Variants in MYH7 observed in about 807,000 individuals in gnomAD.
MYH7 encodes myosin heavy chain 7.
A neutral mutation model predicts 225.4 loss-of-function variants in MYH7; 129 were observed. That is an observed-to-expected ratio of 0.57 (90% CI 0.50 to 0.66). The LOEUF (loss-of-function observed/expected upper bound fraction) is 0.66, where lower values mean the gene tolerates loss of function less well. Among genes scored for constraint, MYH7 ranks in the 30% least tolerant of loss-of-function variants. The pLI is 0.00. For missense variants in MYH7, 1,649 were observed against 2,517.0 expected, an observed-to-expected ratio of 0.66 and a Z score of 7.38; for synonymous variants, 971 against 1,007.6, an observed-to-expected ratio of 0.96 and a Z score of 0.69.
chr14:23,426,183 T>A, intron 18 of MYH7, 102 bp from the exon 19 acceptor site: 1 of 1,308,288 alleles, frequency 7.6e-7, no homozygotes, highest in Non-Finnish European at 1.1e-6. Context: ...TCTTAGCAAG[T>A]CAGTTAGTAA....
In MYH7 at chr14:23,433,556, G is replaced by T; in HGVS notation, c.177C>A (p.Val59=). 1 of 1,614,152 alleles carries T rather than the reference G, an allele frequency of 6.2e-7. No individual in the cohort carries two copies. Among genetic ancestry groups the T allele is most frequent in the South Asian group, 1.1e-5 (1 of 91,058 alleles). Residue 59 remains valine, a synonymous_variant, in exon 3 of 40, where the codon GTC becomes GTA. Transcript: ENST00000355349. The surrounding 1 kb of genome is among the most constrained non-coding windows in gnomAD (Gnocchi z 4.1). The part of the protein sequence containing the change: ...AKIVSREGGK[V]TAETEYGKTV... ...CCTTGCCATACTCGGTCTCGGCAGT[G>T]ACTTTGCCACCCTCTCGAGACACGA...
chr14:23,415,379 A>G lies in MYH7; in HGVS notation c.5283+2T>C, dbSNP rs2138639201. On this transcript the variant is annotated splice_donor_variant, in intron 36 of 39. Transcript: ENST00000355349. LOFTEE classifies it high-confidence loss of function. The surrounding 1 kb of genome is among the most constrained non-coding windows in gnomAD (Gnocchi z 6.3). ...ATCGGGTCGGTGGAGTGGGGGACTT[A>G]CATCCGTGATGGCCTTCTTGGCCTT... 6.2e-7 allele frequency: 1 copy of G among 1,614,190 alleles called. No homozygotes were observed. The highest frequency in any genetic ancestry group is 8.5e-7 in the Non-Finnish European group (1 of 1,180,042).
intron 11 of MYH7, among the ~76,000 whole-genome samples, chr14:23,430,298 T>C (rs1311478697): frequency 6.6e-6 from 1 of 152,150 alleles, no homozygotes; most frequent in Non-Finnish European, 1.5e-5. Context: ...GCTCCCTCGG[T>C]GATGCTTGTT....
At chr14:23,427,919 C>A (rs773921137) in intron 15 of MYH7, 25 bp from the exon 16 acceptor site, 1 of 1,613,142 alleles carries the variant, frequency 6.2e-7, no homozygotes, top group South Asian at 1.1e-5. Context: ...GAGAGCATCA[C>A]TGAGTGTCCT....
chr14:23,425,036 C>T lies in MYH7; in HGVS notation c.2424-12G>A. 1 of 1,614,156 alleles carries T rather than the reference C, an allele frequency of 6.2e-7. No individual in the cohort carries two copies. Among genetic ancestry groups the T allele is most frequent in the Non-Finnish European group, 8.5e-7 (1 of 1,180,038 alleles). On this transcript the variant is annotated splice_polypyrimidine_tract_variant and intron_variant, in intron 21 of 39. Transcript: ENST00000355349. The surrounding 1 kb of genome is among the most constrained non-coding windows in gnomAD (Gnocchi z 4.6). Reference sequence around the variant, plus strand: ...CCAGCAGGGAGTCTCTGCAGGGGCCCATTGAAAGGAGTGCTGAGCCTCCTG... The same window carrying T: ...CCAGCAGGGAGTCTCTGCAGGGGCCTATTGAAAGGAGTGCTGAGCCTCCTG...
At chr14:23,419,424 TG>T in intron 28 of MYH7, 58 bp downstream of exon 28, 1 of 1,610,650 alleles carries the variant, frequency 6.2e-7, no homozygotes, top group Non-Finnish European at 8.5e-7. Flanking sequence ...GAGGCTGGAG[TG>T]GCTCAGGAGG....
chr14:23,422,389 CA>C, intron 24 of MYH7, 64 bp from the exon 25 acceptor site: 1 of 1,609,754 alleles, frequency 6.2e-7, no homozygotes, highest in Non-Finnish European at 8.5e-7. Flanking sequence ...TTTTGTTGTT[CA>C]GTTACCTCAG....
chr14:23,428,905 G>C, intron 14 of MYH7, 50 bp downstream of exon 14: 1 of 1,613,654 alleles, frequency 6.2e-7, no homozygotes, highest in Non-Finnish European at 8.5e-7. Context: ...GCTGTTGAAT[G>C]TGGGAGCGAG....
chr14:23,419,583 G>C lies in MYH7; in HGVS notation c.3753C>G (p.Thr1251=), dbSNP rs375948999. ...AKANLEKMCR[T]LEDQMNEHRS... ...GGTGCTCATTCATCTGGTCTTCCAAGGTCCGGCACATCTTCTCCAGGTTAG... is the reference window on the plus strand; with the variant it reads ...GGTGCTCATTCATCTGGTCTTCCAACGTCCGGCACATCTTCTCCAGGTTAG... The change falls in exon 28 of 40, where the codon ACC becomes ACG. Residue 1251 remains threonine, a synonymous_variant. Transcript: ENST00000355349. The C allele has an allele frequency of 6.2e-7, 1 of 1,614,054 alleles. No individual in the cohort carries two copies. The highest frequency in any genetic ancestry group is 8.5e-7 in the Non-Finnish European group (1 of 1,180,008).
At position 23,415,082 on chromosome 14, in the gene MYH7, A is replaced by G. The variant is rs1595071673; in HGVS notation, c.5472T>C (p.Asn1824=). The G allele has an allele frequency of 6.2e-7, 1 of 1,613,812 alleles. No homozygotes were observed. Among genetic ancestry groups the G allele is most frequent in the African/African-American group, 1.3e-5 (1 of 75,028 alleles). ...TGCGCTTCTGCTCGGCCTCCAGCTC[A>G]TTCTCCAGCTCCCGCACCCGCGCTT... ...KLEARVRELE[N]ELEAEQKRNA... is the part of the protein sequence containing the mutation. Residue 1824 remains asparagine (N), a synonymous_variant, in exon 37 of 40, where the codon AAT becomes AAC. Transcript: ENST00000355349. The surrounding 1 kb of genome is among the most constrained non-coding windows in gnomAD (Gnocchi z 6.3).
intron 24 of MYH7, 95 bp downstream of exon 24, chr14:23,423,452 C>G: frequency 1.6e-6 from 2 of 1,254,926 alleles, no homozygotes; most frequent in Non-Finnish European, 2.3e-6. Flanking sequence ...CACACACACA[C>G]ACACACACAC....
intron 1 of MYH7, 57 bp downstream of exon 1, chr14:23,435,563 C>G (rs1156613857): frequency 6.6e-6 from 1 of 152,454 alleles, no homozygotes; most frequent in Non-Finnish European, 1.5e-5. Context: ...AGAGGAATCC[C>G]TTCCTAAGCC....
chr14:23,430,534 C>T (rs565550652), intron 11 of MYH7, 26 bp downstream of exon 11: 5 of 1,582,896 alleles, frequency 3.2e-6, no homozygotes, highest in Admixed American at 3.4e-5. Flanking sequence ...TCCTCCCACC[C>T]CCTGGCTGGG....
chr14:23,417,382 C>G (rs1892263813), intron 31 of MYH7, 64 bp from the exon 32 acceptor site: 2 of 1,611,870 alleles, frequency 1.2e-6, no homozygotes, highest in Non-Finnish European at 1.7e-6. Flanking sequence ...GGGTCTGTCT[C>G]AGGACCTGCC....
rs114044529 is a variant in MYH7, at chr14:23,425,475, G to C, written c.2287-57C>G. 114 of 1,612,878 alleles carry C rather than the reference G, an allele frequency of 7.1e-5. No individual in the cohort carries two copies. The highest frequency in any genetic ancestry group is 9.0e-5 in the Non-Finnish European group (106 of 1,179,742). ...GGGAGGGGTACGAGGGAAAGAGATG[G>C]TGGGGATTACCTTAGGAAGGGTAAC... On this transcript the variant is annotated intron_variant, in intron 20 of 39. Coordinates refer to ENST00000355349, the MANE Select transcript of MYH7 (RefSeq NM_000257.4). The surrounding 1 kb of genome is among the most constrained non-coding windows in gnomAD (Gnocchi z 4.6).
intron 26 of MYH7, among the ~76,000 whole-genome samples, chr14:23,420,658 G>A (rs546221274): frequency 5.8e-4 from 88 of 152,332 alleles, no homozygotes; most frequent in Non-Finnish European, 1.1e-3. Flanking sequence ...CCATGTAACA[G>A]GGGAGGGCAT....
intron 15 of MYH7, 102 bp downstream of exon 15, chr14:23,428,398 T>C: frequency 6.4e-7 from 1 of 1,572,072 alleles, no homozygotes; most frequent in Non-Finnish European, 8.7e-7. Context: ...TTCAGCCCCT[T>C]CTATTTTTAT....
At chr14:23,417,841 C>A in intron 30 of MYH7, 155 bp from the exon 31 acceptor site, 1 of 1,099,444 alleles carries the variant, frequency 9.1e-7, no homozygotes, top group South Asian at 1.3e-5. Context: ...GAACATCAGG[C>A]AGAGGATCCC....
chr14:23,418,501 C>T (rs1892328774), intron 29 of MYH7, 95 bp from the exon 30 acceptor site: 2 of 1,405,988 alleles, frequency 1.4e-6, no homozygotes, highest in East Asian at 4.9e-5. Context: ...AACATCATCC[C>T]TTGGCCTCAT....
Sources: gnomAD v4.1 joint callset for allele counts (sites outside exome capture counted in the v4.1 genomes callset) on GRCh38, gnomAD v4.1.1 for gene constraint, Gnocchi (gnomAD v3.1) non-coding constraint, MANE v1.5 for transcripts, NCBI Gene and HGNC (gene_info 2026-07-23, HGNC 2026-07-21) for gene names.